PTPRD: variants seen among roughly 807,000 people sequenced by gnomAD.
PTPRD encodes receptor-type tyrosine-protein phosphatase delta.
In PTPRD, 34 loss-of-function variants were observed where a neutral mutation model predicts 214.5. The ratio of observed to expected loss-of-function variants is 0.16; its 90% CI spans 0.12 to 0.21. The LOEUF (loss-of-function observed/expected upper bound fraction) is 0.21, where lower values mean the gene tolerates loss of function less well. Among genes scored for constraint, PTPRD ranks in the 10% least tolerant of loss-of-function variants. The probability of loss-of-function intolerance (pLI) is 1.00; values close to 1 mark genes in which losing one functional copy is unlikely to be tolerated. For missense variants in PTPRD, 2,545 were observed against 2,398.7 expected (o/e 1.06, Z -1.27); for synonymous variants, 1,128 against 845.7 (o/e 1.33, Z -5.79).
At chr9:9,687,978 A>G (rs1349150362) in intron 7 of PTPRD, among the ~76,000 whole-genome samples, 3 of 151,784 alleles carry the variant, frequency 2.0e-5, no homozygotes, top group African/African-American at 7.3e-5. Flanking sequence ...TTTTCATAAT[A>G]GTGAGGGAAT....
At chr9:8,371,023 G>A (rs1280803043) in intron 39 of PTPRD, among the ~76,000 whole-genome samples, 2 of 152,076 alleles carry the variant, frequency 1.3e-5, no homozygotes, top group African/African-American at 2.4e-5. Context: ...ATTATTTGAT[G>A]TTGAATAAGT....
chr9:10,497,022 T>C (rs1415486589), intron 2 of PTPRD, among the ~76,000 whole-genome samples: 3 of 152,012 alleles, frequency 2.0e-5, no homozygotes, highest in Non-Finnish European at 4.4e-5. Context: ...ATGGTGGCCA[T>C]AATCCTAAGT....
chr9:10,583,013 T>C (rs1326512759), intron 2 of PTPRD, among the ~76,000 whole-genome samples: 4 of 152,210 alleles, frequency 2.6e-5, no homozygotes, highest in Admixed American at 6.5e-5. Flanking sequence ...TAGGCTAATC[T>C]ATAATTCAGT....
chr9:10,169,212 C>T (rs1272195289), intron 3 of PTPRD, among the ~76,000 whole-genome samples: 1 of 152,024 alleles, frequency 6.6e-6, no homozygotes, highest in Non-Finnish European at 1.5e-5. Context: ...CGGTGGCTCA[C>T]GCCTGTAATC....
chr9:8,575,030 G>A (rs148564176), intron 14 of PTPRD, among the ~76,000 whole-genome samples: 75 of 152,142 alleles, frequency 4.9e-4, no homozygotes, highest in African/African-American at 1.6e-3. Context: ...TTTCATTAAC[G>A]CGTTTGCAAA....
chr9:9,950,045 A>C (rs774056938), intron 4 of PTPRD, among the ~76,000 whole-genome samples: 6 of 152,322 alleles, frequency 3.9e-5, no homozygotes, highest in Non-Finnish European at 8.8e-5. Flanking sequence ...TTCTTAACGT[A>C]CCATCATAGT....
intron 10 of PTPRD, among the ~76,000 whole-genome samples, chr9:9,042,492 G>C (rs988511689): frequency 6.6e-6 from 1 of 152,066 alleles, no homozygotes. Context: ...TGTCACCAGA[G>C]AAAGGAGAAA....
intron 11 of PTPRD, among the ~76,000 whole-genome samples, chr9:8,786,230 A>G (rs2154499597): frequency 6.6e-6 from 1 of 152,242 alleles, no homozygotes; most frequent in East Asian, 1.9e-4. Flanking sequence ...TGTGTTAACT[A>G]TGAGTTTCAT....
rs188208367 is a variant in PTPRD, at chr9:9,686,865, C to T, written c.-287+47668G>A. ...GAGACCAAAATTTGAACTTTGAGAG[C>T]AATGATTCTTAGTCAACAGACATAT... On this transcript the variant is annotated intron_variant, in intron 7 of 45. Transcript: ENST00000381196. 3.0e-3 allele frequency among the ~76,000 whole-genome samples: 448 copies of T among 151,768 alleles called. 2 individuals carry two copies. The highest frequency in any genetic ancestry group is 0.01 in the African/African-American group (420 of 41,474).
chr9:9,608,327 G>A (rs953749753), intron 7 of PTPRD, among the ~76,000 whole-genome samples: 3 of 152,094 alleles, frequency 2.0e-5, no homozygotes, highest in African/African-American at 7.2e-5. Context: ...AGCCTCTGGT[G>A]CATGGTTATT....
chr9:9,024,352 GT>G (rs397944358), intron 10 of PTPRD, among the ~76,000 whole-genome samples: 15 of 140,048 alleles, frequency 1.1e-4, no homozygotes, highest in African/African-American at 3.3e-4. Context: ...TTTTTTGTTT[GT>G]TTTTTTTTTT....
Position 9,729,762 on chromosome 9 carries a change from A to G in PTPRD, c.-287+4771T>C, listed in dbSNP as rs1226848600. Among the ~76,000 whole-genome samples, 9 of 152,150 alleles carry G rather than the reference A, an allele frequency of 5.9e-5. No individual in the cohort carries two copies. In the East Asian group the frequency reaches 1.7e-3, roughly 29 times the overall value. The stretch of plus-strand genomic sequence containing the variant: ...CAAATGGTTTGCAACAAAAAAAAAA[A>G]TTGTGAGAGAACGAACATATTAGTA... On this transcript the variant is annotated intron_variant, in intron 7 of 45. Transcript: ENST00000381196.
At chr9:9,578,699 A>G (rs1372398330) in intron 7 of PTPRD, among the ~76,000 whole-genome samples, 1 of 152,136 alleles carries the variant, frequency 6.6e-6, no homozygotes, top group Non-Finnish European at 1.5e-5. Context: ...GTTGATGCTC[A>G]GAAAAGTTTC....
intron 3 of PTPRD, among the ~76,000 whole-genome samples, chr9:10,182,668 C>T (rs2099305743): frequency 6.6e-6 from 1 of 152,102 alleles, no homozygotes; most frequent in South Asian, 2.1e-4. Context: ...CAGTAAAACA[C>T]TTGATTTCAC....
intron 8 of PTPRD, among the ~76,000 whole-genome samples, chr9:9,503,371 AAGTGACTCACATTTTTT>A (rs1029416448): frequency 6.6e-6 from 1 of 151,842 alleles, no homozygotes; most frequent in African/African-American, 2.4e-5. Flanking sequence ...TCTGATAACA[AAGTGACTCACATTTTTT>A]AGTGTCTTTA....
chr9:10,270,384 G>A (rs1335828352), intron 3 of PTPRD, among the ~76,000 whole-genome samples: 2 of 152,080 alleles, frequency 1.3e-5, no homozygotes, highest in African/African-American at 4.8e-5. Flanking sequence ...CTCAAGTTAA[G>A]AAAATATAAT....
In PTPRD at chr9:9,617,350, C is replaced by A. The variant is rs375224263; in HGVS notation, c.-286-42569G>T. On this transcript the variant is annotated intron_variant, in intron 7 of 45. Coordinates refer to ENST00000381196, the MANE Select transcript of PTPRD (RefSeq NM_002839.4). ...GGTAGAGTTATGAAAAGATAATGTA[C>A]CAACAGAAGAGCTGATTGTACTACT... is the stretch of plus-strand genomic sequence containing the variant. Among the ~76,000 whole-genome samples, 34 of 152,074 alleles carry A rather than the reference C, an allele frequency of 2.2e-4. No individual in the cohort carries two copies. The East Asian group carries it at 5.0e-3, about 23-fold the overall frequency.
chr9:9,148,907 G>C (rs1175187894), intron 10 of PTPRD, among the ~76,000 whole-genome samples: 1 of 152,294 alleles, frequency 6.6e-6, no homozygotes. Flanking sequence ...AAATGGTGCA[G>C]TTACAAATAA....
At chr9:10,609,541 G>GCTA (rs1375464036) in intron 2 of PTPRD, among the ~76,000 whole-genome samples, 20 of 151,942 alleles carry the variant, frequency 1.3e-4, no homozygotes, top group Non-Finnish European at 1.5e-5. Context: ...CTAATTCTTG[G>GCTA]ATATAACTAG....
Sources: gnomAD v4.1 joint callset for allele counts (sites outside exome capture counted in the v4.1 genomes callset) on GRCh38, gnomAD v4.1.1 for gene constraint, MANE v1.5 for transcripts, NCBI Gene and HGNC (gene_info 2026-07-23, HGNC 2026-07-21) for gene names.